PCDH15: variants seen among roughly 807,000 people sequenced by gnomAD.
PCDH15 encodes the protein protocadherin-15.
PCDH15 carries 129 observed loss-of-function variants against 178.5 expected under a neutral mutation model. The observed-to-expected ratio is 0.72, with a 90% CI of 0.63 to 0.84. The LOEUF is 0.84. PCDH15 is among the 40% of genes least tolerant of loss of function. The pLI is 0.00. For missense variants in PCDH15, 2,230 were observed against 2,099.9 expected, an observed-to-expected ratio of 1.06 and a Z score of -1.21; for synonymous variants, 800 against 732.0, an observed-to-expected ratio of 1.09 and a Z score of -1.50.
At chr10:55,191,520 G>T (rs1371323601) in intron 1 of PCDH15, among the ~76,000 whole-genome samples, 1 of 151,814 alleles carries the variant, frequency 6.6e-6, no homozygotes, top group Non-Finnish European at 1.5e-5. Flanking sequence ...GGTGCACCTG[G>T]TTTGCTATCA....
chr10:54,667,714 T>G (rs2094593570), intron 1 of PCDH15, among the ~76,000 whole-genome samples: 1 of 152,098 alleles, frequency 6.6e-6, no homozygotes. Context: ...CTACAGAATT[T>G]ATTGGCTAAT....
chr10:54,801,674 C>T (rs1952656145), upstream of PCDH15, among the ~76,000 whole-genome samples: 1 of 151,920 alleles, frequency 6.6e-6, no homozygotes, highest in African/African-American at 2.4e-5. Flanking sequence ...TATATGAAGC[C>T]CTCCACATCT....
At chr10:54,001,132 C>T (rs909143439) in intron 20 of PCDH15, among the ~76,000 whole-genome samples, 1 of 151,968 alleles carries the variant, frequency 6.6e-6, no homozygotes, top group African/African-American at 2.4e-5. Flanking sequence ...CTTTCCCAGA[C>T]AAATAAAAGC....
chr10:55,058,431 A>G (rs1188613989), intron 2 of PCDH15, among the ~76,000 whole-genome samples: 2 of 151,994 alleles, frequency 1.3e-5, no homozygotes, highest in East Asian at 3.9e-4. Context: ...GTTGTTCTCA[A>G]ACTCCTGAGT....
At chr10:54,368,746 TA>T (rs1320363879) in intron 5 of PCDH15, among the ~76,000 whole-genome samples, 1 of 151,976 alleles carries the variant, frequency 6.6e-6, no homozygotes, top group Non-Finnish European at 1.5e-5. Context: ...TTTCTTCCAG[TA>T]TTTAATTAGT....
intron 18 of PCDH15, among the ~76,000 whole-genome samples, chr10:54,043,428 C>T (rs1489584621): frequency 6.6e-6 from 1 of 151,882 alleles, no homozygotes; most frequent in Non-Finnish European, 1.5e-5. Context: ...GGTCTCACTC[C>T]CATTTCCCAG....
chr10:53,822,088 T>TTGGTTCTCTCTGAGGGTCTG lies in PCDH15; in HGVS notation c.4368-1878_4368-1859dup, dbSNP rs1347207661. The TTGGTTCTCTCTGAGGGTCTG allele has an allele frequency of 6.2e-7, 1 of 1,613,968 alleles. No homozygotes were observed. Among genetic ancestry groups the TTGGTTCTCTCTGAGGGTCTG allele is most frequent in the Non-Finnish European group, 8.5e-7 (1 of 1,179,962 alleles). On this transcript the variant is annotated intron_variant, in intron 32 of 37. Coordinates refer to ENST00000644397, the MANE Select transcript of PCDH15 (RefSeq NM_001384140.1). Reference sequence around the variant, plus strand: ...TTTTTAACGTGTCTGAGGATGCCTTTTGGTTCTCTCTGAGGGTCTGTTTTA... The same window carrying TTGGTTCTCTCTGAGGGTCTG: ...TTTTTAACGTGTCTGAGGATGCCTTTTGGTTCTCTCTGAGGGTCTGTGGTTCTCTCTGAGGGTCTGTTTTA...
chr10:54,943,809 C>A (rs766962724), intron 2 of PCDH15, among the ~76,000 whole-genome samples: 1 of 150,854 alleles, frequency 6.6e-6, no homozygotes, highest in Admixed American at 6.6e-5. Context: ...TCTTAAGAAC[C>A]AGGCTTTTCT....
intron 3 of PCDH15, among the ~76,000 whole-genome samples, chr10:54,470,212 T>G (rs1439528837): frequency 6.6e-6 from 1 of 152,104 alleles, no homozygotes; most frequent in African/African-American, 2.4e-5. Flanking sequence ...TACTTTCAGT[T>G]TTAGTACACA....
At chr10:53,959,012 A>C (rs1239757603) in intron 23 of PCDH15, among the ~76,000 whole-genome samples, 1 of 146,524 alleles carries the variant, frequency 6.8e-6, no homozygotes, top group African/African-American at 2.5e-5. Context: ...AAAGAACAGA[A>C]TTTTCTGTCG....
intron 2 of PCDH15, among the ~76,000 whole-genome samples, chr10:55,163,949 G>A (rs1839127489): frequency 6.6e-6 from 1 of 152,158 alleles, no homozygotes; most frequent in South Asian, 2.1e-4. Context: ...CTATGGAGTA[G>A]CAATTCTTTA....
intron 26 of PCDH15, among the ~76,000 whole-genome samples, chr10:53,899,273 A>G (rs1343315058): frequency 1.3e-5 from 2 of 151,898 alleles, no homozygotes; most frequent in African/African-American, 2.4e-5. Flanking sequence ...TGAACTTAGA[A>G]CCTAAGTTTT....
intron 2 of PCDH15, among the ~76,000 whole-genome samples, chr10:55,020,167 T>G (rs1335907516): frequency 6.7e-6 from 1 of 150,154 alleles, no homozygotes; most frequent in Non-Finnish European, 1.5e-5. Context: ...TCATATAATA[T>G]TCAATTAATC....
chr10:53,902,027 G>C (rs1048243697), intron 26 of PCDH15, among the ~76,000 whole-genome samples: 7 of 152,230 alleles, frequency 4.6e-5, no homozygotes, highest in South Asian at 2.1e-4. Flanking sequence ...TTCTAGAACA[G>C]TGTTTAGCAC....
At chr10:55,077,737 C>T (rs995828000) in intron 2 of PCDH15, among the ~76,000 whole-genome samples, 2 of 151,934 alleles carry the variant, frequency 1.3e-5, no homozygotes, top group African/African-American at 2.4e-5. Flanking sequence ...AGTGGAGACG[C>T]GGATTCACCA....
intron 3 of PCDH15, among the ~76,000 whole-genome samples, chr10:54,520,214 G>T (rs528831999): frequency 1.3e-5 from 2 of 152,156 alleles, no homozygotes; most frequent in Non-Finnish European, 2.9e-5. Flanking sequence ...TTGACAAATA[G>T]GATCTAATTA....
intron 1 of PCDH15, among the ~76,000 whole-genome samples, chr10:54,797,788 A>G (rs1406437695): frequency 6.6e-6 from 1 of 151,928 alleles, no homozygotes; most frequent in African/African-American, 2.4e-5. Flanking sequence ...AATAGCACAC[A>G]TGTGTATGTG....
intron 2 of PCDH15, among the ~76,000 whole-genome samples, chr10:55,158,056 A>G (rs1203191486): frequency 1.2e-5 from 1 of 82,744 alleles, no homozygotes; most frequent in East Asian, 3.3e-4. Context: ...TCAAAATCAC[A>G]CAAATATGTG....
At chr10:53,959,252 T>TTATA (rs145704041) in intron 23 of PCDH15, among the ~76,000 whole-genome samples, 292 of 147,734 alleles carry the variant, frequency 2.0e-3, no homozygotes, top group African/African-American at 4.9e-3. Context: ...CACACTACAT[T>TTATA]TATATATATA....
Sources: allele counts gnomAD v4.1 joint callset (sites outside exome capture counted in the v4.1 genomes callset), GRCh38; gene constraint gnomAD v4.1.1; transcripts MANE v1.5; gene names NCBI Gene and HGNC (gene_info 2026-07-23, HGNC 2026-07-21).